AHCTF1: variants seen among roughly 807,000 people sequenced by gnomAD.
AHCTF1 encodes the protein AT-hook containing transcription factor 1, also known as protein ELYS.
AHCTF1 carries 24 observed loss-of-function variants against 248.4 expected under a neutral mutation model. The ratio of observed to expected loss-of-function variants is 0.10; its 90% confidence interval spans 0.07 to 0.14. The LOEUF (loss-of-function observed/expected upper bound fraction) is 0.14, where lower values mean the gene tolerates loss of function less well. Ranked by LOEUF, AHCTF1 falls within the 10% of genes least tolerant of loss-of-function variation. The pLI, the probability that AHCTF1 is intolerant of heterozygous loss-of-function variation, is 1.00. For missense variants in AHCTF1, 2,206 were observed against 2,636.2 expected (o/e 0.84, Z 3.57); for synonymous variants, 786 against 929.8 (o/e 0.85, Z 2.81).
At chr1:246,876,860 A>T in intron 23 of AHCTF1, 90 bp downstream of exon 23, 1 of 1,469,996 alleles carries the variant, frequency 6.8e-7, no homozygotes, top group Non-Finnish European at 9.2e-7. Flanking sequence ...CACAGTGGTT[A>T]CCAAACTGTA....
Position 246,895,820 on chromosome 1 carries a change from T to C in AHCTF1, c.1714+15A>G. 1 of 1,579,962 alleles carries C rather than the reference T, an allele frequency of 6.3e-7. No homozygotes were observed. The highest frequency in any genetic ancestry group is 1.2e-5 in the South Asian group (1 of 86,248). ...TTAAAAATACCAAACATTTTACTTG[T>C]TATCAGAATCTTACCTTCTGTTATC... On this transcript the variant is annotated intron_variant, in intron 13 of 35. Coordinates refer to ENST00000648844, the MANE Select transcript of AHCTF1 (RefSeq NM_001323342.2).
At chr1:246,901,096 T>C (rs907536868) in intron 8 of AHCTF1, among the ~76,000 whole-genome samples, 6 of 152,020 alleles carry the variant, frequency 3.9e-5, no homozygotes, top group African/African-American at 1.5e-4. Flanking sequence ...TCCCAGCACT[T>C]TGGAAGGCCA....
rs143519690 is a variant in AHCTF1 at position 246,843,626 on chromosome 1, G to C, written c.6525+169C>G. On this transcript the variant is annotated intron_variant, in intron 34 of 35. Transcript: ENST00000648844. ...AGGAGGCCTCCAAAGGGGTGGATAC[G>C]ACCATTTTTGGCTTTTGGTATGCAT... Among the ~76,000 whole-genome samples, 1,481 of 152,084 alleles carry C rather than the reference G, an allele frequency of 9.7e-3. 16 individuals are homozygous for C. The highest frequency in any genetic ancestry group is 0.051 in the Middle Eastern group (15 of 294).
At chr1:246,868,718 G>A (rs975952286) in intron 24 of AHCTF1, among the ~76,000 whole-genome samples, 3 of 151,912 alleles carry the variant, frequency 2.0e-5, no homozygotes, top group Non-Finnish European at 4.4e-5. Flanking sequence ...TAAATAAACA[G>A]TCAAATCTTC....
In AHCTF1 at chr1:246,840,932, A is replaced by T; in HGVS notation, c.6675T>A (p.Ala2225=). Residue 2225 remains alanine (A), a synonymous_variant, in exon 36 of 36, where the codon GCT becomes GCA. Transcript: ENST00000648844. ...PIEIRLISPL[A]SPADGVKSKP... ...TGCTCTTGACTCCGTCAGCTGGGCTAGCCAAGGGGGAAATCAGCCGAATTT... is the reference window on the plus strand; with the variant it reads ...TGCTCTTGACTCCGTCAGCTGGGCTTGCCAAGGGGGAAATCAGCCGAATTT... 6.2e-7 allele frequency: 1 copy of T among 1,612,950 alleles called. No homozygotes were observed. Among genetic ancestry groups the T allele is most frequent in the Non-Finnish European group, 8.5e-7 (1 of 1,179,494 alleles).
intron 35 of AHCTF1, among the ~76,000 whole-genome samples, chr1:246,842,205 T>G (rs61853988): frequency 0.24 from 35,763 of 152,054 alleles, 4,423 homozygotes; most frequent in Admixed American, 0.29. Context: ...AAATGCCCGA[T>G]AATCTTTTCT....
At chr1:246,916,633 G>A (rs546294141) in intron 2 of AHCTF1, among the ~76,000 whole-genome samples, 1 of 152,176 alleles carries the variant, frequency 6.6e-6, no homozygotes, top group Non-Finnish European at 1.5e-5. Context: ...CAGCCTGCGT[G>A]ACAGAGCAAG....
chr1:246,888,062 TAAGAA>T lies in AHCTF1; in HGVS notation c.2325+110_2325+114del, dbSNP rs946311473. 5 of 1,150,454 alleles carry T rather than the reference TAAGAA, an allele frequency of 4.3e-6. No homozygotes were observed. The African/African-American group carries it at 6.3e-5, about 14-fold the overall frequency. The allele number at this position is 1,150,454 out of a possible 1,614,324, so 71.3% of individuals were successfully genotyped here. On this transcript the variant is annotated intron_variant, in intron 19 of 35. Transcript: ENST00000648844. ...CAGATCCTGGGTTAACACCTCTTCT[TAAGAA>T]AACAAAACCAAAATTCAACCTTGCA...
chr1:246,922,329 C>T (rs1470764009), intron 1 of AHCTF1, among the ~76,000 whole-genome samples: 1 of 151,908 alleles, frequency 6.6e-6, no homozygotes, highest in African/African-American at 2.4e-5. Context: ...CACTGCACTC[C>T]AGCGCGGGTG....
Position 246,855,107 on chromosome 1 carries a change from T to A in AHCTF1, c.4354+623A>T, listed in dbSNP as rs530183820. 2.0e-5 allele frequency among the ~76,000 whole-genome samples: 3 copies of A among 152,238 alleles called. No individual in the cohort carries two copies. In the East Asian group the frequency reaches 5.8e-4, roughly 29 times the overall value. ...AGGCATAACAGTTGAGAGCATGGGC[T>A]CTAGAGTCAGATAACAACTATGTCA... is the stretch of plus-strand genomic sequence containing the variant. On this transcript the variant is annotated intron_variant, in intron 31 of 35. Coordinates refer to ENST00000648844, the MANE Select transcript of AHCTF1 (RefSeq NM_001323342.2).
In AHCTF1 at chr1:246,850,388, C is replaced by G; in HGVS notation, c.5618G>C (p.Arg1873Thr). 6.2e-7 allele frequency: 1 copy of G among 1,609,204 alleles called. No homozygotes were observed. The highest frequency in any genetic ancestry group is 8.5e-7 in the Non-Finnish European group (1 of 1,178,594). ...KVSSVTKRTP[R>T]RIKRSVENQE... ...ATTTTCTACAGATCTTTTAATTCTT[C>G]TAGGAGTCCTTTTTGTAACAGATGA... Residue 1873 changes from arginine to threonine, a missense_variant, in exon 33 of 36, where the codon AGA becomes ACA. Physicochemically the swap from Arg to Thr is moderately conservative, Grantham distance 71. This residue lies in a region of AHCTF1 where 469 missense variants were observed against 470.0 expected (regional missense o/e 1.00). Coordinates refer to ENST00000648844, the MANE Select transcript of AHCTF1 (RefSeq NM_001323342.2).
chr1:246,853,466 A>C (rs1237490624), intron 31 of AHCTF1, among the ~76,000 whole-genome samples, 167 bp from the exon 32 acceptor site: 3 of 152,252 alleles, frequency 2.0e-5, no homozygotes, highest in Non-Finnish European at 4.4e-5. Flanking sequence ...ACCTTTCCAC[A>C]GAGATAAAAC....
chr1:246,905,680 A>C (rs769136756), intron 5 of AHCTF1, 23 bp from the exon 6 acceptor site: 3 of 1,565,908 alleles, frequency 1.9e-6, no homozygotes, highest in South Asian at 1.1e-5. Context: ...AGTATATTTC[A>C]TATTTTTAAG....
intron 11 of AHCTF1, among the ~76,000 whole-genome samples, chr1:246,898,621 AACAC>A (rs74163703): frequency 0.2 from 28,966 of 146,770 alleles, 2,910 homozygotes; most frequent in Admixed American, 0.24. Flanking sequence ...ATCTTGACAA[AACAC>A]ACACACACAC....
intron 34 of AHCTF1, 109 bp from the exon 35 acceptor site, chr1:246,842,885 G>A (rs982555526): frequency 7.8e-6 from 7 of 902,904 alleles, no homozygotes; most frequent in South Asian, 1.6e-5. Flanking sequence ...ATTCAAACTC[G>A]CCAAATGCAA....
At chr1:246,892,301 CTTTTTTTTTTTTTTTTTT>C (rs74163502) in intron 14 of AHCTF1, among the ~76,000 whole-genome samples, 3 of 64,974 alleles carry the variant, frequency 4.6e-5, no homozygotes, top group East Asian at 5.4e-4. Context: ...ATTTGTTTTA[CTTTTTTTTTTTTTTTTTT>C]TTTTTTTTTT....
chr1:246,859,414 GT>G (rs949013409), intron 29 of AHCTF1, among the ~76,000 whole-genome samples: 1 of 152,134 alleles, frequency 6.6e-6, no homozygotes, highest in Admixed American at 6.5e-5. Context: ...GATTCTAAGT[GT>G]TTGTCAGTAT....
At chr1:246,918,025 A>G (rs1666263188) in intron 2 of AHCTF1, among the ~76,000 whole-genome samples, 2 of 152,166 alleles carry the variant, frequency 1.3e-5, no homozygotes, top group Non-Finnish European at 2.9e-5. Flanking sequence ...AACACATGAG[A>G]TTTTTAATAA....
At chr1:246,869,333 A>G (rs1226510297) in intron 24 of AHCTF1, among the ~76,000 whole-genome samples, 3 of 152,142 alleles carry the variant, frequency 2.0e-5, no homozygotes, top group African/African-American at 4.8e-5. Context: ...ATAACCCTAC[A>G]AAGACCTCAA....
Sources: gnomAD v4.1 joint callset for allele counts (sites outside exome capture counted in the v4.1 genomes callset) on GRCh38, gnomAD v4.1.1 for gene constraint, gnomAD v4.1.1 regional missense constraint, MANE v1.5 for transcripts, NCBI Gene and HGNC (gene_info 2026-07-23, HGNC 2026-07-21) for gene names.